TAF4B: variants seen among roughly 807,000 people sequenced by gnomAD.
The protein encoded by TAF4B is transcription initiation factor TFIID subunit 4B.
Under a neutral mutation model 86.4 loss-of-function variants are expected in TAF4B, and 38 were observed. The ratio of observed to expected loss-of-function variants is 0.44; its 90% CI spans 0.34 to 0.58. The LOEUF is 0.58. Among genes scored for constraint, TAF4B ranks in the 20% least tolerant of loss-of-function variants. The pLI is 0.02. For synonymous variants in TAF4B, 388 were observed against 391.2 expected (o/e 0.99, Z 0.10); for missense variants, 988 against 1,027.6 (o/e 0.96, Z 0.53).
intron 9 of TAF4B, among the ~76,000 whole-genome samples, chr18:26,310,500 T>C (rs372376981): frequency 4.6e-5 from 7 of 152,300 alleles, no homozygotes; most frequent in Admixed American, 3.3e-4. Context: ...AAGCAGGATA[T>C]TGTGTGAATT....
chr18:26,345,354 T>C (rs1168196501), intron 13 of TAF4B, among the ~76,000 whole-genome samples: 1 of 152,246 alleles, frequency 6.6e-6, no homozygotes, highest in Admixed American at 6.5e-5. Flanking sequence ...GTAACAGCCC[T>C]GTGGGCTGCT....
intron 14 of TAF4B, among the ~76,000 whole-genome samples, chr18:26,371,880 T>C (rs2057408346): frequency 6.6e-6 from 1 of 152,188 alleles, no homozygotes; most frequent in Admixed American, 6.5e-5. Flanking sequence ...GTGAATTTCT[T>C]TCTAGCCTTT....
rs1291667469 is a variant in TAF4B at position 26,274,258 on chromosome 18, A to G, written c.598-405A>G. The stretch of plus-strand genomic sequence containing the variant: ...CTCTGCTTTGTTCTTAAGAAAAAGC[A>G]GAATATTCTATGTTCTCATAAAGAC... On this transcript the variant is annotated intron_variant, in intron 3 of 14. Coordinates refer to ENST00000269142, the MANE Select transcript of TAF4B (RefSeq NM_005640.3). Among the ~76,000 whole-genome samples, 6 of 152,356 alleles carry G rather than the reference A, an allele frequency of 3.9e-5. No homozygotes were observed. In the East Asian group the frequency reaches 1.2e-3, roughly 29 times the overall value.
chr18:26,387,447 A>G (rs9951363), intron 14 of TAF4B, among the ~76,000 whole-genome samples: 5,623 of 152,188 alleles, frequency 0.037, 185 homozygotes, highest in Admixed American at 0.11. Flanking sequence ...TCCAAACAAA[A>G]CTGAGCTTTT....
At chr18:26,274,501 A>T (rs571331143) in intron 3 of TAF4B, among the ~76,000 whole-genome samples, 162 bp from the exon 4 acceptor site, 2 of 152,330 alleles carry the variant, frequency 1.3e-5, no homozygotes, top group East Asian at 3.9e-4. Flanking sequence ...CAGATCTGCT[A>T]GACTCAAGAG....
intron 14 of TAF4B, among the ~76,000 whole-genome samples, chr18:26,373,077 A>G (rs1330350157): frequency 6.6e-6 from 1 of 152,174 alleles, no homozygotes. Context: ...TGAACTTTCT[A>G]GGGCTTCAGT....
rs766689998 is a variant in TAF4B, at chr18:26,293,467, C to G, written c.1768C>G (p.Leu590Val). 1.9e-6 allele frequency: 3 copies of G among 1,596,574 alleles called. No individual in the cohort carries two copies. In the African/African-American group the frequency reaches 4.1e-5, roughly 22 times the overall value. ...KQITLPGNKI[L>V]SLQASPTQKN... ...AATTACTCTGCCTGGAAATAAAATT[C>G]TGTCACTTCAAGCATCTCCTACTCA... Residue 590 changes from leucine to valine, a missense_variant, in exon 9 of 15, where the codon CTG becomes GTG. Physicochemically the swap from Leu to Val is conservative, Grantham distance 32. Transcript: ENST00000269142.
rs932107667 is a variant in TAF4B at position 26,358,448 on chromosome 18, C to T, written c.2421+654C>T. 7.2e-5 allele frequency among the ~76,000 whole-genome samples: 11 copies of T among 152,188 alleles called. No individual in the cohort carries two copies. The East Asian group carries it at 1.2e-3, about 16-fold the overall frequency. On this transcript the variant is annotated intron_variant, in intron 14 of 14. Coordinates refer to ENST00000269142, the MANE Select transcript of TAF4B (RefSeq NM_005640.3). The stretch of plus-strand genomic sequence containing the variant: ...TATTAGGGCCGGGCGAGGTGGCTCA[C>T]GCCTGTAATCCCAGCACTTTGGGAG...
intron 13 of TAF4B, among the ~76,000 whole-genome samples, chr18:26,346,781 GTA>G (rs1159806367): frequency 0.097 from 1,881 of 19,296 alleles, 385 homozygotes; most frequent in African/African-American, 0.17. Context: ...ATATGTGTGT[GTA>G]TATATATATA....
chr18:26,351,465 TTAA>T (rs765690363), intron 13 of TAF4B, among the ~76,000 whole-genome samples: 6 of 152,116 alleles, frequency 3.9e-5, no homozygotes, highest in Non-Finnish European at 8.8e-5. Context: ...ATGACTATAG[TTAA>T]TAATGCATAG....
intron 1 of TAF4B, among the ~76,000 whole-genome samples, chr18:26,261,402 G>T (rs368983664): frequency 6.6e-6 from 1 of 151,786 alleles, no homozygotes; most frequent in Non-Finnish European, 1.5e-5. Context: ...GGGTTTCACC[G>T]TTTTAGCCGG....
In TAF4B at chr18:26,269,039, G is replaced by T. The variant is rs150069710; in HGVS notation, c.597+1416G>T. Among the ~76,000 whole-genome samples, 1,380 of 152,158 alleles carry T rather than the reference G, an allele frequency of 9.1e-3. 26 individuals carry two copies. The highest frequency in any genetic ancestry group is 0.032 in the African/African-American group (1,310 of 41,502). ...GGGTTTCACCATGTTGGCCAGGCTG[G>T]TCTCGAACTCTTGACCAAGTAATCC... On this transcript the variant is annotated intron_variant, in intron 3 of 14. Coordinates refer to ENST00000269142, the MANE Select transcript of TAF4B (RefSeq NM_005640.3).
intron 3 of TAF4B, among the ~76,000 whole-genome samples, chr18:26,270,967 GA>G (rs2056307933): frequency 6.6e-6 from 1 of 152,086 alleles, no homozygotes; most frequent in African/African-American, 2.4e-5. Context: ...TTTTTGTGTG[GA>G]CCATTTATTT....
intron 1 of TAF4B, among the ~76,000 whole-genome samples, chr18:26,231,516 T>G (rs2055670587): frequency 6.6e-6 from 1 of 151,820 alleles, no homozygotes; most frequent in African/African-American, 2.4e-5. Context: ...CACACCAGGC[T>G]AATTTTTTTC....
chr18:26,279,624 G>T (rs2056423462), intron 5 of TAF4B, among the ~76,000 whole-genome samples: 1 of 150,578 alleles, frequency 6.6e-6, no homozygotes, highest in South Asian at 2.1e-4. Context: ...TAAGGCTACA[G>T]TGATCCAAAC....
chr18:26,312,541 T>C (rs938760119), intron 9 of TAF4B, among the ~76,000 whole-genome samples: 22 of 152,146 alleles, frequency 1.4e-4, no homozygotes, highest in African/African-American at 5.3e-4. Context: ...GCTGCAAGAT[T>C]CTAAAAGACA....
intron 13 of TAF4B, among the ~76,000 whole-genome samples, chr18:26,344,570 A>G (rs1235863905): frequency 1.3e-5 from 2 of 152,226 alleles, no homozygotes; most frequent in African/African-American, 2.4e-5. Flanking sequence ...ATTATTCACA[A>G]TGAAGTCAGA....
Position 26,335,240 on chromosome 18 carries a change from T to G in TAF4B, c.2316+9T>G. 1 of 1,612,390 alleles carries G rather than the reference T, an allele frequency of 6.2e-7. No homozygotes were observed. The highest frequency in any genetic ancestry group is 8.5e-7 in the Non-Finnish European group (1 of 1,178,526). On this transcript the variant is annotated intron_variant, in intron 13 of 14. Transcript: ENST00000269142. Reference sequence around the variant, plus strand: ...AGCAGAAAGCCAAAGAGGTAGGACTTTCAAGTTACCATGCTTGTCTTTGTG... The same window carrying G: ...AGCAGAAAGCCAAAGAGGTAGGACTGTCAAGTTACCATGCTTGTCTTTGTG...
At chr18:26,345,275 A>G (rs908021627) in intron 13 of TAF4B, among the ~76,000 whole-genome samples, 3 of 152,168 alleles carry the variant, frequency 2.0e-5, no homozygotes, top group Non-Finnish European at 2.9e-5. Flanking sequence ...GGCCTGAGAG[A>G]CCAAGCCATC....
Sources: allele counts gnomAD v4.1 joint callset (sites outside exome capture counted in the v4.1 genomes callset), GRCh38; gene constraint gnomAD v4.1.1; transcripts MANE v1.5; gene names NCBI Gene and HGNC (gene_info 2026-07-23, HGNC 2026-07-21).